The following ATP9B variants were observed in gnomAD, a reference collection of about 807,000 sequenced individuals.
The protein encoded by ATP9B is probable phospholipid-transporting ATPase IIB.
Under a neutral mutation model 146.1 loss-of-function variants are expected in ATP9B, and 110 were observed. That is an observed-to-expected ratio of 0.75 (90% CI 0.65 to 0.88). The LOEUF is 0.88. Ranked by LOEUF, ATP9B falls within the 40% of genes least tolerant of loss-of-function variation. ATP9B has a pLI of 0.00. For missense variants in ATP9B, 1,499 were observed against 1,496.4 expected, an observed-to-expected ratio of 1.00 and a Z score of -0.03; for synonymous variants, 604 against 569.7, an observed-to-expected ratio of 1.06 and a Z score of -0.86.
intron 8 of ATP9B, among the ~76,000 whole-genome samples, chr18:79,184,409 C>T (rs575445890): frequency 1.4e-3 from 215 of 152,102 alleles, no homozygotes; most frequent in Non-Finnish European, 1.6e-3. Flanking sequence ...CAGAATCGTG[C>T]GTCACTCCAG....
chr18:79,226,527 C>A (rs7237583), intron 11 of ATP9B, among the ~76,000 whole-genome samples: 151,735 of 152,368 alleles, frequency 1, 75,560 homozygotes, highest in Middle Eastern at 1. Flanking sequence ...CACAGGGTCC[C>A]TGCTCAGTGA....
At chr18:79,283,960 T>C (rs997404582) in intron 13 of ATP9B, among the ~76,000 whole-genome samples, 3 of 152,208 alleles carry the variant, frequency 2.0e-5, no homozygotes, top group Non-Finnish European at 4.4e-5. Flanking sequence ...TAGGGAGGTT[T>C]TATCTTCATG....
chr18:79,225,137 A>G (rs1484024836), intron 11 of ATP9B, among the ~76,000 whole-genome samples: 2 of 152,216 alleles, frequency 1.3e-5, no homozygotes, highest in African/African-American at 4.8e-5. Flanking sequence ...GATAATTTAA[A>G]ACCTTGACAA....
At chr18:79,087,544 G>T (rs190084531) in intron 1 of ATP9B, 4 of 152,104 alleles carry the variant, frequency 2.6e-5, no homozygotes, top group Non-Finnish European at 5.9e-5. Flanking sequence ...AGGCAAAGTG[G>T]GAGTGTTTAT....
chr18:79,208,117 C>T (rs1325045028), intron 10 of ATP9B, among the ~76,000 whole-genome samples: 3 of 152,000 alleles, frequency 2.0e-5, no homozygotes, highest in African/African-American at 4.8e-5. Flanking sequence ...TGGTGGCGGG[C>T]GCCTGTAGTC....
intron 13 of ATP9B, among the ~76,000 whole-genome samples, chr18:79,284,138 G>T (rs772812996): frequency 1.3e-5 from 2 of 152,214 alleles, no homozygotes; most frequent in Non-Finnish European, 2.9e-5. Context: ...TTCCCAGTTT[G>T]TAAGGGCAGG....
At chr18:79,339,563 CATG>C (rs1407225294) in intron 19 of ATP9B, among the ~76,000 whole-genome samples, 1 of 148,124 alleles carries the variant, frequency 6.8e-6, no homozygotes, top group Non-Finnish European at 1.5e-5. Flanking sequence ...TAGGAAGTGT[CATG>C]ATCGCAGTAG....
At chr18:79,176,445 G>C (rs1315653967) in intron 7 of ATP9B, among the ~76,000 whole-genome samples, 1 of 152,148 alleles carries the variant, frequency 6.6e-6, no homozygotes, top group East Asian at 1.9e-4. Context: ...ACTATACACT[G>C]TTGGATATTT....
At chr18:79,101,157 A>G (rs2075253996) in intron 2 of ATP9B, among the ~76,000 whole-genome samples, 1 of 151,960 alleles carries the variant, frequency 6.6e-6, no homozygotes, top group Admixed American at 6.5e-5. Flanking sequence ...TGTAATCACC[A>G]CTGCAGCCAA....
intron 2 of ATP9B, among the ~76,000 whole-genome samples, chr18:79,103,272 T>G (rs961173980): frequency 4.8e-5 from 7 of 146,196 alleles, no homozygotes; most frequent in Non-Finnish European, 7.5e-5. Context: ...TTGTAGTTTT[T>G]TTTTTTTTTT....
intron 1 of ATP9B, among the ~76,000 whole-genome samples, chr18:79,082,713 T>G (rs2073395455): frequency 6.6e-6 from 1 of 152,244 alleles, no homozygotes; most frequent in South Asian, 2.1e-4. Flanking sequence ...AGATCCTGTT[T>G]ACCTGGGTTT....
At chr18:79,127,984 C>G (rs1157314175) in intron 5 of ATP9B, among the ~76,000 whole-genome samples, 4 of 147,572 alleles carry the variant, frequency 2.7e-5, no homozygotes, top group Non-Finnish European at 6.0e-5. Context: ...TGTTGAGCAT[C>G]TTTTCATTTG....
intron 13 of ATP9B, among the ~76,000 whole-genome samples, chr18:79,290,001 G>T (rs1419780941): frequency 2.0e-5 from 3 of 152,136 alleles, no homozygotes; most frequent in African/African-American, 4.8e-5. Flanking sequence ...ACCCGGCTGT[G>T]TGAGGTGTCA....
Position 79,077,235 on chromosome 18 carries a change from A to T in ATP9B, c.119+7706A>T, listed in dbSNP as rs1485670982. Among the ~76,000 whole-genome samples the T allele has an allele frequency of 2.0e-5, 3 of 152,238 alleles. No individual in the cohort carries two copies. The East Asian group carries it at 5.8e-4, about 29-fold the overall frequency. Reference sequence around the variant, plus strand: ...ATTATGTTATGAGATTTGGGACCTTATTTAAATCTTCTGCTTATCGGGCCT... The same window carrying T: ...ATTATGTTATGAGATTTGGGACCTTTTTTAAATCTTCTGCTTATCGGGCCT... On this transcript the variant is annotated intron_variant, in intron 1 of 29. Coordinates refer to ENST00000426216, the MANE Select transcript of ATP9B (RefSeq NM_198531.5).
At chr18:79,202,337 G>A (rs2095496739) in intron 9 of ATP9B, among the ~76,000 whole-genome samples, 1 of 152,188 alleles carries the variant, frequency 6.6e-6, no homozygotes, top group South Asian at 2.1e-4. Flanking sequence ...CAGTTTTGAA[G>A]TATTAGCAGT....
intron 15 of ATP9B, among the ~76,000 whole-genome samples, chr18:79,328,153 G>A (rs562243566): frequency 5.3e-4 from 80 of 152,046 alleles, no homozygotes; most frequent in African/African-American, 1.6e-3. Flanking sequence ...TGTGGTTAGC[G>A]TGCTCTCCGT....
At chr18:79,235,800 C>G (rs539194699) in intron 11 of ATP9B, among the ~76,000 whole-genome samples, 1 of 148,994 alleles carries the variant, frequency 6.7e-6, no homozygotes, top group East Asian at 1.9e-4. Flanking sequence ...TAGTCATAGG[C>G]ATATGTGAAG....
At chr18:79,163,691 T>A (rs888958395) in intron 7 of ATP9B, among the ~76,000 whole-genome samples, 2 of 152,132 alleles carry the variant, frequency 1.3e-5, no homozygotes, top group African/African-American at 2.4e-5. Flanking sequence ...ATAATTCTTT[T>A]GACAAATAAC....
chr18:79,369,532 CAAAAAAAAAA>C (rs67043260), intron 26 of ATP9B, among the ~76,000 whole-genome samples: 5 of 87,990 alleles, frequency 5.7e-5, no homozygotes, highest in Non-Finnish European at 1.1e-4. Flanking sequence ...GAGTCCGTCT[CAAAAAAAAAA>C]AAAAAAAAAA....
Sources: gnomAD v4.1 joint callset for allele counts (sites outside exome capture counted in the v4.1 genomes callset) on GRCh38, gnomAD v4.1.1 for gene constraint, MANE v1.5 for transcripts, NCBI Gene and HGNC (gene_info 2026-07-23, HGNC 2026-07-21) for gene names.